DDX18: variants seen among roughly 807,000 people sequenced by gnomAD.
The protein encoded by DDX18 is ATP-dependent RNA helicase DDX18.
Under a neutral mutation model 73.5 loss-of-function variants are expected in DDX18, and 23 were observed. The observed-to-expected ratio is 0.31, with a 90% confidence interval of 0.23 to 0.44. The LOEUF is 0.44. Ranked by LOEUF, DDX18 falls within the 20% of genes least tolerant of loss-of-function variation. The pLI is 1.00. For synonymous variants in DDX18, 268 were observed against 282.7 expected, an observed-to-expected ratio of 0.95 and a Z score of 0.52; for missense variants, 753 against 792.9, an observed-to-expected ratio of 0.95 and a Z score of 0.60.
At position 117,821,227 on chromosome 2, in the gene DDX18, T is replaced by A; in HGVS notation, c.581T>A (p.Ile194Lys). The change falls in exon 4 of 14, where the codon ATA (isoleucine) becomes AAA (lysine). Residue 194 changes from isoleucine (I) to lysine (K), a missense_variant. Around this residue, in one of 3 missense-constraint regions of DDX18, gnomAD observed 345 missense variants for 352.0 expected, o/e 0.98. Coordinates refer to ENST00000263239, the MANE Select transcript of DDX18 (RefSeq NM_006773.4). ...NLVNENTLKA[I>K]KEMGFTNMTE... ...GTCAATGAAAACACTCTGAAGGCAA[T>A]AAAAGAAATGGGTTTTACAAACATG... 6.2e-7 allele frequency: 1 copy of A among 1,612,052 alleles called. No homozygotes were observed. The highest frequency in any genetic ancestry group is 1.7e-5 in the Admixed American group (1 of 59,700).
In DDX18 at chr2:117,817,843, A is replaced by G. The variant is rs1679785365; in HGVS notation, c.370+115A>G. ...ATGAGAATTCCCTGTACTCACCAGT[A>G]TGTTAGAGATTAGCCTGGTAGCTAA... On this transcript the variant is annotated intron_variant, in intron 2 of 13. Coordinates refer to ENST00000263239, the MANE Select transcript of DDX18 (RefSeq NM_006773.4). 6.5e-6 allele frequency: 7 copies of G among 1,079,514 alleles called. 1 individual carries two copies. The South Asian group carries it at 1.2e-4, about 19-fold the overall frequency. 66.9% of individuals were successfully genotyped at this position (1,079,514 alleles called of 1,614,324 possible). A position where few individuals can be genotyped will look rare whatever the true frequency, so the allele number is the denominator to read the frequency against.
chr2:117,814,897 C>A (rs376931298), intron 1 of DDX18, 35 bp downstream of exon 1: 1 of 1,611,396 alleles, frequency 6.2e-7, no homozygotes, highest in Non-Finnish European at 8.5e-7. Flanking sequence ...CTCAGAAGAC[C>A]CACGCGCGAG....
intron 10 of DDX18, 56 bp downstream of exon 10, chr2:117,825,655 T>G (rs1332837520): frequency 6.3e-7 from 1 of 1,586,770 alleles, no homozygotes; most frequent in African/African-American, 1.3e-5. Context: ...AGTTCACTTA[T>G]TCTCCCAGTT....
chr2:117,817,800 C>A, intron 2 of DDX18, 72 bp downstream of exon 2: 1 of 1,457,234 alleles, frequency 6.9e-7, no homozygotes, highest in Non-Finnish European at 9.3e-7. Flanking sequence ...CTTTCTATTA[C>A]TATTGTGTGC....
chr2:117,821,049 G>A (rs1024951047), intron 3 of DDX18, 112 bp from the exon 4 acceptor site: 13 of 1,037,156 alleles, frequency 1.3e-5, no homozygotes, highest in Non-Finnish European at 1.6e-5. Context: ...TTAAGGTTTA[G>A]CCTTTTCTTA....
In DDX18 at chr2:117,821,642, A is replaced by G; in HGVS notation, c.651-8A>G. On this transcript the variant is annotated splice_region_variant and splice_polypyrimidine_tract_variant and intron_variant, in intron 4 of 13. Coordinates refer to ENST00000263239, the MANE Select transcript of DDX18 (RefSeq NM_006773.4). ...AATGTCTTTCTCCTTTCCCTTTTTAATATTTAGGGATCTTCTAGCAGCTGC... is the reference window on the plus strand; with the variant it reads ...AATGTCTTTCTCCTTTCCCTTTTTAGTATTTAGGGATCTTCTAGCAGCTGC... 6.2e-7 allele frequency: 1 copy of G among 1,613,614 alleles called. No individual in the cohort carries two copies. The highest frequency in any genetic ancestry group is 8.5e-7 in the Non-Finnish European group (1 of 1,179,756).
chr2:117,825,230 TC>T, intron 9 of DDX18, 129 bp downstream of exon 9: 1 of 1,313,406 alleles, frequency 7.6e-7, no homozygotes, highest in South Asian at 1.4e-5. Context: ...AGATGATGGA[TC>T]CTGTGTGGGG....
rs141213898 is a variant in DDX18, at chr2:117,819,552, T to C, written c.371-97T>C. On this transcript the variant is annotated intron_variant, in intron 2 of 13. Coordinates refer to ENST00000263239, the MANE Select transcript of DDX18 (RefSeq NM_006773.4). ...ACAGCATATACTTAGCTTTTGAAAATATACGTCTTTATATCAGAGATCTTC... is the reference window on the plus strand; with the variant it reads ...ACAGCATATACTTAGCTTTTGAAAACATACGTCTTTATATCAGAGATCTTC... 1,228 of 1,147,492 alleles carry C rather than the reference T, an allele frequency of 1.1e-3. 18 individuals carry two copies. In the African/African-American group the frequency reaches 0.018, roughly 17 times the overall value. 71.1% of individuals were successfully genotyped at this position (1,147,492 alleles called of 1,614,324 possible). A position where few individuals can be genotyped will look rare whatever the true frequency, so the allele number is the denominator to read the frequency against.
chr2:117,821,128 A>G (rs1322009815), intron 3 of DDX18, 33 bp from the exon 4 acceptor site: 1 of 1,495,066 alleles, frequency 6.7e-7, no homozygotes, highest in Admixed American at 2.4e-5. Context: ...AAAAAAAGAT[A>G]AATTTGCTAA....
Position 117,821,764 on chromosome 2 carries a change from T to A in DDX18, c.751+14T>A. On this transcript the variant is annotated intron_variant, in intron 5 of 13. Transcript: ENST00000263239. ...TGCCCAGGAATGGTAAGCGTTCATC[T>A]GCTTGTTTCTGCCATTATTTCACTA... is the stretch of plus-strand genomic sequence containing the variant. 1 of 1,613,920 alleles carries A rather than the reference T, an allele frequency of 6.2e-7. No homozygotes were observed. Among genetic ancestry groups the A allele is most frequent in the Non-Finnish European group, 8.5e-7 (1 of 1,179,832 alleles).
At chr2:117,830,503 G>A (rs1239040283) in intron 13 of DDX18, 79 bp from the exon 14 acceptor site, 1 of 1,505,336 alleles carries the variant, frequency 6.6e-7, no homozygotes, top group African/African-American at 1.4e-5. Context: ...TAGTGTTCAT[G>A]CCGGTTTTTT....
chr2:117,822,293 A>G lies in DDX18; in HGVS notation c.1066+32A>G, dbSNP rs745418223. ...AGGTAGCATCTGCATTTGGTTTGCA[A>G]AGTATCTGTTGGAGGTAGATAAGAG... On this transcript the variant is annotated intron_variant, in intron 7 of 13. Coordinates refer to ENST00000263239, the MANE Select transcript of DDX18 (RefSeq NM_006773.4). 10 of 1,540,852 alleles carry G rather than the reference A, an allele frequency of 6.5e-6. No individual in the cohort carries two copies. In the Admixed American group the frequency reaches 1.3e-4, roughly 21 times the overall value.
At chr2:117,822,659 C>T (rs1337809363) in intron 7 of DDX18, 1 of 162,272 alleles carries the variant, frequency 6.2e-6, no homozygotes, top group East Asian at 1.8e-4. Context: ...TTTTTAAAAG[C>T]TTTGTCAAAG....
chr2:117,820,931 C>A (rs910547904), intron 3 of DDX18, among the ~76,000 whole-genome samples: 17 of 152,040 alleles, frequency 1.1e-4, no homozygotes, highest in African/African-American at 3.9e-4. Context: ...CTCTCTACCC[C>A]TTGTTTTGTT....
Position 117,825,120 on chromosome 2 carries a change from C to T in DDX18, c.1368+19C>T, listed in dbSNP as rs1679903159. 1.9e-6 allele frequency: 3 copies of T among 1,596,614 alleles called. No individual in the cohort carries two copies. The highest frequency in any genetic ancestry group is 2.6e-6 in the Non-Finnish European group (3 of 1,172,602). On this transcript the variant is annotated intron_variant, in intron 9 of 13. Transcript: ENST00000263239. ...CATTCATGTAAGTGATGATGATGAG[C>T]TCATTGAAAACAGGGTATGCTTATT... is the stretch of plus-strand genomic sequence containing the variant.
In DDX18 at chr2:117,821,963, A is replaced by T. The variant is rs757325365; in HGVS notation, c.853A>T (p.Ile285Leu). The change falls in exon 6 of 14, where the codon ATA (isoleucine) becomes TTA (leucine). Residue 285 changes from isoleucine (I) to leucine (L), a missense_variant. By Grantham distance (5) the Ile-to-Leu change is conservative. Coordinates refer to ENST00000263239, the MANE Select transcript of DDX18 (RefSeq NM_006773.4). ...TCACCACGTGCATACCTATGGCTTG[A>T]TAATGGGTGGCAGTAACAGATCTGC... Reference protein sequence around the residue: ...MTHHVHTYGLIMGGSNRSAEA... With the variant: ...MTHHVHTYGLLMGGSNRSAEA... 2 of 1,614,094 alleles carry T rather than the reference A, an allele frequency of 1.2e-6. No individual in the cohort carries two copies.
In DDX18 at chr2:117,814,791, C is replaced by T. The variant is rs766733957; in HGVS notation, c.14C>T (p.Pro5Leu). Residue 5 changes from proline (P) to leucine (L), a missense_variant, in exon 1 of 14, where the codon CCG becomes CTG. By Grantham distance (98) the Pro-to-Leu change is moderately conservative. Coordinates refer to ENST00000263239, the MANE Select transcript of DDX18 (RefSeq NM_006773.4). MSHL[P>L]MKLLRKKIEK... Reference sequence around the variant, plus strand: ...TTGTTGGGCAGAATGTCACACCTGCCGATGAAACTCCTGCGTAAGAAGATC... The same window carrying T: ...TTGTTGGGCAGAATGTCACACCTGCTGATGAAACTCCTGCGTAAGAAGATC... 1 of 1,614,172 alleles carries T rather than the reference C, an allele frequency of 6.2e-7. No individual in the cohort carries two copies. The highest frequency in any genetic ancestry group is 2.2e-5 in the East Asian group (1 of 44,878).
Position 117,822,174 on chromosome 2 carries a change from C to A in DDX18, c.979C>A (p.Leu327Met), listed in dbSNP as rs1679856482. Reference sequence around the variant, plus strand: ...TACCCCAGGATTTATGTATAAAAACCTGCAGTGTCTGGTTATTGATGAAGC... The same window carrying A: ...TACCCCAGGATTTATGTATAAAAACATGCAGTGTCTGGTTATTGATGAAGC... ...QNTPGFMYKN[L>M]QCLVIDEADR... is the part of the protein sequence containing the mutation. Residue 327 changes from leucine to methionine, a missense_variant, in exon 7 of 14, where the codon CTG (leucine) becomes ATG (methionine). Around this residue, in one of 3 missense-constraint regions of DDX18, gnomAD observed 402 missense variants for 419.4 expected, o/e 0.96. Transcript: ENST00000263239. The A allele has an allele frequency of 6.2e-7, 1 of 1,613,794 alleles. No individual in the cohort carries two copies. Among genetic ancestry groups the A allele is most frequent in the South Asian group, 1.1e-5 (1 of 91,080 alleles).
intron 11 of DDX18, chr2:117,827,930 T>G (rs1247712143): frequency 1.3e-5 from 2 of 152,238 alleles, no homozygotes; most frequent in Admixed American, 6.5e-5. Context: ...TGAACTAGTT[T>G]ACAGTCCCAC....
Sources: allele counts gnomAD v4.1 joint callset (sites outside exome capture counted in the v4.1 genomes callset), GRCh38; gene constraint gnomAD v4.1.1; regional missense constraint gnomAD v4.1.1; transcripts MANE v1.5; gene names NCBI Gene and HGNC (gene_info 2026-07-23, HGNC 2026-07-21).